STOX2: variants seen among roughly 807,000 people sequenced by gnomAD.
STOX2 encodes storkhead-box protein 2.
Under a neutral mutation model 60.9 loss-of-function variants are expected in STOX2, and 28 were observed. That is an observed-to-expected ratio of 0.46 (90% confidence interval 0.34 to 0.63). STOX2 has a LOEUF of 0.63. Ranked by LOEUF, STOX2 falls within the 30% of genes least tolerant of loss-of-function variation. The probability of loss-of-function intolerance (pLI) is 0.01; values close to 1 mark genes in which losing one functional copy is unlikely to be tolerated. For synonymous variants in STOX2, 472 were observed against 463.9 expected (o/e 1.02, Z -0.22); for missense variants, 1,024 against 1,187.7 (o/e 0.86, Z 2.03).
At chr4:183,850,414 C>G (rs1435824675) in intron 1 of STOX2, among the ~76,000 whole-genome samples, 1 of 151,944 alleles carries the variant, frequency 6.6e-6, no homozygotes, top group East Asian at 1.9e-4. Flanking sequence ...GTAATTGATA[C>G]TTATGAGATT....
intron 1 of STOX2, among the ~76,000 whole-genome samples, chr4:183,853,090 A>G (rs528340558): frequency 6.6e-6 from 1 of 152,220 alleles, no homozygotes. Context: ...AGACCTCAGC[A>G]ATGGTTCCCA....
At position 184,010,800 on chromosome 4, in the gene STOX2, G is replaced by A. The variant is rs1476012245; in HGVS notation, c.1962G>A (p.Lys654=). 2 of 1,583,384 alleles carry A rather than the reference G, an allele frequency of 1.3e-6. No individual in the cohort carries two copies. Among genetic ancestry groups the A allele is most frequent in the South Asian group, 1.2e-5 (1 of 84,692 alleles). Reference sequence around the variant, plus strand: ...CCTCCAGGGAGCCTGTGGGGCACAAGGAGGAGTCACCAAAAGGGCCGGGTG... The same window carrying A: ...CCTCCAGGGAGCCTGTGGGGCACAAAGAGGAGTCACCAAAAGGGCCGGGTG... The part of the protein sequence containing the change: ...PHSSREPVGH[K]EESPKGPGGG... Residue 654 remains lysine (K), a synonymous_variant, in exon 3 of 4, where the codon AAG becomes AAA. Transcript: ENST00000308497. This position sits in a 1 kb window ranked among gnomAD's most constrained non-coding sequence, Gnocchi z 4.5.
At chr4:183,978,486 A>G (rs1383307913) in intron 1 of STOX2, among the ~76,000 whole-genome samples, 2 of 152,188 alleles carry the variant, frequency 1.3e-5, no homozygotes, top group African/African-American at 4.8e-5. Flanking sequence ...CTAGTACCAT[A>G]CTATTTTGGT....
chr4:183,875,056 A>G (rs78463666), intron 1 of STOX2, among the ~76,000 whole-genome samples: 1,547 of 90,008 alleles, frequency 0.017, 32 homozygotes, highest in African/African-American at 0.053. Context: ...GGTTTCTGTG[A>G]TTTCTCAAGA....
Position 183,929,895 on chromosome 4 carries a change from A to G in STOX2, c.166+22939A>G, listed in dbSNP as rs544006361. Among the ~76,000 whole-genome samples, 19 of 142,382 alleles carry G rather than the reference A, an allele frequency of 1.3e-4. 1 individual carries two copies. Among genetic ancestry groups the G allele is most frequent in the South Asian group, 1.0e-3 (5 of 4,812 alleles). The allele number at this position is 142,382 out of a possible 152,430, so 93.4% of individuals were successfully genotyped here. A position where few individuals can be genotyped will look rare whatever the true frequency, so the allele number is the denominator to read the frequency against. ...TTCTTCTTCTTTGAGACGGAGTCTC[A>G]CTCTGTCGCCCAGGCTGGAGTGCAG... On this transcript the variant is annotated intron_variant, in intron 1 of 3. Coordinates refer to ENST00000308497, the MANE Select transcript of STOX2 (RefSeq NM_020225.3).
At position 183,856,135 on chromosome 4, in the gene STOX2, G is replaced by A. The variant is rs1472339777; in HGVS notation, c.364+58080G>A. Among the ~76,000 whole-genome samples the A allele has an allele frequency of 6.6e-6, 1 of 152,104 alleles. No homozygotes were observed. The highest frequency in any genetic ancestry group is 2.4e-5 in the African/African-American group (1 of 41,400). On this transcript the variant is annotated intron_variant, in intron 1 of 2. Transcript: ENST00000513034. This position sits in a 1 kb window ranked among gnomAD's most constrained non-coding sequence, Gnocchi z 4.0. ...TCCTAAGTGCGCACCCTGGGGTCTC[G>A]AATAGGCTGGTCACAGATTTCTAGG...
intron 1 of STOX2, among the ~76,000 whole-genome samples, chr4:183,966,574 C>G (rs1395387054): frequency 6.6e-6 from 1 of 152,214 alleles, no homozygotes; most frequent in Non-Finnish European, 1.5e-5. Flanking sequence ...ATGACTCAGG[C>G]TACGCCACAC....
intron 2 of STOX2, among the ~76,000 whole-genome samples, chr4:184,003,948 A>ATT (rs34806465): frequency 0.026 from 3,911 of 147,650 alleles, 62 homozygotes; most frequent in Admixed American, 0.061. Flanking sequence ...CCTTCCTTTG[A>ATT]TTTTTTTTTT....
chr4:183,969,561 C>A (rs192125459), intron 1 of STOX2, among the ~76,000 whole-genome samples: 1 of 152,156 alleles, frequency 6.6e-6, no homozygotes, highest in Non-Finnish European at 1.5e-5. Flanking sequence ...AGCTACCATA[C>A]CCCGCTAGAT....
intron 1 of STOX2, among the ~76,000 whole-genome samples, chr4:183,849,653 A>T (rs1390307332): frequency 6.6e-6 from 1 of 152,190 alleles, no homozygotes; most frequent in Non-Finnish European, 1.5e-5. Flanking sequence ...ATTATATGAG[A>T]TTGGGATGTG....
chr4:184,000,510 T>C (rs1733540851), intron 1 of STOX2, among the ~76,000 whole-genome samples: 1 of 152,142 alleles, frequency 6.6e-6, no homozygotes, highest in South Asian at 2.1e-4. Context: ...CTTCCATGGC[T>C]CACCACCCCT....
At chr4:183,874,550 T>C (rs766727559) in intron 1 of STOX2, among the ~76,000 whole-genome samples, 1 of 152,124 alleles carries the variant, frequency 6.6e-6, no homozygotes, top group Non-Finnish European at 1.5e-5. Context: ...GTACTTATTA[T>C]TCTAAGCAAT....
At position 184,009,640 on chromosome 4, in the gene STOX2, C is replaced by G; in HGVS notation, c.802C>G (p.Leu268Val). 1 of 1,613,860 alleles carries G rather than the reference C, an allele frequency of 6.2e-7. No homozygotes were observed. Among genetic ancestry groups the G allele is most frequent in the Non-Finnish European group, 8.5e-7 (1 of 1,179,880 alleles). The change falls in exon 3 of 4, where the codon CTA becomes GTA. Residue 268 changes from leucine to valine, a missense_variant. Transcript: ENST00000308497. The surrounding 1 kb of genome is among the most constrained non-coding windows in gnomAD (Gnocchi z 4.0). ...TGAAAAGCAGTCAAAAAAATTCGGG[C>G]TAAAGTTATTCCGGTTAAGTTTTAA... ...DSEKQSKKFG[L>V]KLFRLSFKKD...
rs1035969964 is a variant in STOX2 at position 184,020,576 on chromosome 4, C to CTT, written c.*3294_*3295dup. 6.6e-6 allele frequency: 1 copy of CTT among 151,720 alleles called. No homozygotes were observed. The highest frequency in any genetic ancestry group is 2.4e-5 in the African/African-American group (1 of 41,158). 9.4% of individuals were successfully genotyped at this position (151,720 alleles called of 1,614,324 possible). ...GCTACCATGTCGAGCCCAAACTCCA[C>CTT]TTTAATTAAAAGAGCTGTGCTGTGA... is the stretch of plus-strand genomic sequence containing the variant. On this transcript the variant is annotated 3_prime_UTR_variant, in exon 4 of 4. Coordinates refer to ENST00000308497, the MANE Select transcript of STOX2 (RefSeq NM_020225.3).
chr4:183,867,488 G>C (rs1740598092), intron 1 of STOX2, among the ~76,000 whole-genome samples: 1 of 152,226 alleles, frequency 6.6e-6, no homozygotes, highest in African/African-American at 2.4e-5. Context: ...AGCGAATGCT[G>C]TGTTTCATTT....
At chr4:183,992,877 G>A (rs1016227588) in intron 1 of STOX2, among the ~76,000 whole-genome samples, 1 of 152,230 alleles carries the variant, frequency 6.6e-6, no homozygotes, top group Non-Finnish European at 1.5e-5. Flanking sequence ...TATTCCATGT[G>A]CCTAGCACGT....
intron 1 of STOX2, among the ~76,000 whole-genome samples, chr4:183,952,239 T>G (rs763393582): frequency 2.0e-5 from 3 of 152,258 alleles, no homozygotes; most frequent in Non-Finnish European, 4.4e-5. Context: ...TGGTTTGTTC[T>G]GCGTACTTTG....
At chr4:183,798,740 TAA>T (rs1380465553) in intron 1 of STOX2, 48 of 985,166 alleles carry the variant, frequency 4.9e-5, no homozygotes, top group Non-Finnish European at 5.8e-5. Context: ...GAGCAAAACG[TAA>T]AGAGGGGCAG....
chr4:183,861,570 T>G (rs1740447287), intron 1 of STOX2, among the ~76,000 whole-genome samples: 1 of 152,120 alleles, frequency 6.6e-6, no homozygotes, highest in Admixed American at 6.6e-5. Context: ...ACACACTGGC[T>G]TGGGATTGCA....
Sources: gnomAD v4.1 joint callset for allele counts (sites outside exome capture counted in the v4.1 genomes callset) on GRCh38, gnomAD v4.1.1 for gene constraint, Gnocchi (gnomAD v3.1) non-coding constraint, MANE v1.5 for transcripts, NCBI Gene and HGNC (gene_info 2026-07-23, HGNC 2026-07-21) for gene names.